Variants in STIM1 observed in about 807,000 individuals in gnomAD.
The protein encoded by STIM1 is stromal interaction molecule 1.
In STIM1, 25 loss-of-function variants were observed where a neutral mutation model predicts 74.7. The observed-to-expected ratio is 0.33, with a 90% CI of 0.24 to 0.47. STIM1 has a LOEUF of 0.47. Among genes scored for constraint, STIM1 ranks in the 20% least tolerant of loss-of-function variants. The probability of loss-of-function intolerance (pLI) is 1.00; values close to 1 mark genes in which losing one functional copy is unlikely to be tolerated. For missense variants in STIM1, 728 were observed against 920.8 expected, an observed-to-expected ratio of 0.79 and a Z score of 2.71; for synonymous variants, 328 against 348.8, an observed-to-expected ratio of 0.94 and a Z score of 0.66.
At chr11:3,995,877 T>C (rs1020649958) in intron 2 of STIM1, among the ~76,000 whole-genome samples, 5 of 151,648 alleles carry the variant, frequency 3.3e-5, no homozygotes, top group Admixed American at 2.0e-4. Flanking sequence ...TGGCTAATTT[T>C]TAAATTTTTT....
chr11:4,066,591 T>C (rs1253537007), intron 5 of STIM1, among the ~76,000 whole-genome samples: 5 of 152,114 alleles, frequency 3.3e-5, no homozygotes, highest in Non-Finnish European at 4.4e-5. Flanking sequence ...CTCTCTCCTG[T>C]AATTCCACTT....
At chr11:3,872,378 A>C (rs544965801) in intron 1 of STIM1, among the ~76,000 whole-genome samples, 185 of 152,248 alleles carry the variant, frequency 1.2e-3, no homozygotes, top group African/African-American at 4.4e-3. Flanking sequence ...TAATGACAAC[A>C]GGAAAAGTGT....
At chr11:3,938,090 C>T (rs1482116209) in intron 1 of STIM1, among the ~76,000 whole-genome samples, 1 of 152,044 alleles carries the variant, frequency 6.6e-6, no homozygotes, top group Non-Finnish European at 1.5e-5. Context: ...CCCACCACCA[C>T]ACCCAGCTAA....
intron 1 of STIM1, among the ~76,000 whole-genome samples, chr11:3,909,998 C>T (rs1278467034): frequency 6.6e-6 from 1 of 151,760 alleles, no homozygotes; most frequent in East Asian, 1.9e-4. Flanking sequence ...TATGAGGTGA[C>T]AAAATCATTC....
In STIM1 at chr11:4,074,637, T is replaced by A; in HGVS notation, c.927T>A (p.Asn309Lys). The change falls in exon 7 of 13, where the codon AAT (asparagine) becomes AAA (lysine). Residue 309 changes from asparagine to lysine, a missense_variant. Around this residue, in one of 5 missense-constraint regions of STIM1, gnomAD observed 131 missense variants for 235.9 expected, o/e 0.56. Coordinates refer to ENST00000526596, the MANE Select transcript of STIM1 (RefSeq NM_001382567.1). ...RLKELREGTENERSRQKYAEE... is the reference protein window; with the variant it reads ...RLKELREGTEKERSRQKYAEE... Reference sequence around the variant, plus strand: ...AGGAGCTGCGGGAGGGTACTGAGAATGAGCGGAGCCGCCAAAAATATGCTG... The same window carrying A: ...AGGAGCTGCGGGAGGGTACTGAGAAAGAGCGGAGCCGCCAAAAATATGCTG... 1 of 1,592,210 alleles carries A rather than the reference T, an allele frequency of 6.3e-7. No individual in the cohort carries two copies. Among genetic ancestry groups the A allele is most frequent in the Non-Finnish European group, 8.6e-7 (1 of 1,168,760 alleles).
At chr11:4,004,316 C>T (rs1210721089) in intron 2 of STIM1, among the ~76,000 whole-genome samples, 12 of 151,950 alleles carry the variant, frequency 7.9e-5, no homozygotes, top group Non-Finnish European at 1.5e-4. Context: ...GGAGGCATCA[C>T]GCTACCTGAC....
chr11:3,877,503 C>G (rs117473136), intron 1 of STIM1, among the ~76,000 whole-genome samples: 1,718 of 152,254 alleles, frequency 0.011, 13 homozygotes, highest in Non-Finnish European at 0.019. Context: ...TCCCCTATCC[C>G]CACCCTGCCA....
chr11:3,864,702 G>A (rs768021566), intron 1 of STIM1, among the ~76,000 whole-genome samples: 3 of 152,156 alleles, frequency 2.0e-5, no homozygotes, highest in Non-Finnish European at 4.4e-5. Flanking sequence ...TTACATAAGG[G>A]CATGAACACT....
At chr11:4,076,269 TGAG>T (rs1445025442) in intron 7 of STIM1, among the ~76,000 whole-genome samples, 3 of 151,896 alleles carry the variant, frequency 2.0e-5, no homozygotes, top group African/African-American at 7.3e-5. Context: ...GCAGATTACT[TGAG>T]GTCAGAAGTT....
intron 3 of STIM1, among the ~76,000 whole-genome samples, chr11:4,053,497 C>T (rs61897237): frequency 0.037 from 5,656 of 151,664 alleles, 246 homozygotes; most frequent in East Asian, 0.18. Flanking sequence ...AACCAAACAC[C>T]GCATGTTCTC....
intron 2 of STIM1, among the ~76,000 whole-genome samples, chr11:4,006,058 T>C: frequency 6.6e-6 from 1 of 152,130 alleles, no homozygotes; most frequent in East Asian, 1.9e-4. Flanking sequence ...CCAAATCTCG[T>C]GTTGAATTGT....
At chr11:4,035,632 A>AT (rs1222565524) in intron 3 of STIM1, among the ~76,000 whole-genome samples, 4 of 151,456 alleles carry the variant, frequency 2.6e-5, no homozygotes, top group Non-Finnish European at 5.9e-5. Context: ...ACATTTGGAG[A>AT]TTTTTTTTAG....
intron 1 of STIM1, among the ~76,000 whole-genome samples, chr11:3,919,318 G>A (rs1417377049): frequency 6.6e-6 from 1 of 152,146 alleles, no homozygotes; most frequent in Admixed American, 6.5e-5. Context: ...TGATTCTCCT[G>A]CCTCAGCCTC....
At chr11:3,879,370 C>T (rs1438252105) in intron 1 of STIM1, among the ~76,000 whole-genome samples, 1 of 152,206 alleles carries the variant, frequency 6.6e-6, no homozygotes, top group Non-Finnish European at 1.5e-5. Flanking sequence ...AGGGACTTCC[C>T]TTTCTAGATT....
At chr11:3,955,436 A>C (rs963123736) in intron 1 of STIM1, among the ~76,000 whole-genome samples, 1 of 152,202 alleles carries the variant, frequency 6.6e-6, no homozygotes, top group African/African-American at 2.4e-5. Context: ...AAACTCGTCT[A>C]TGATGATACA....
intron 1 of STIM1, among the ~76,000 whole-genome samples, chr11:3,900,222 G>A (rs1380434786): frequency 1.3e-5 from 2 of 152,130 alleles, no homozygotes; most frequent in Non-Finnish European, 2.9e-5. Flanking sequence ...CTCCCTGGGC[G>A]TATGACCCTC....
intron 1 of STIM1, among the ~76,000 whole-genome samples, chr11:3,914,506 G>A (rs143226312): frequency 6.6e-6 from 1 of 152,244 alleles, no homozygotes; most frequent in African/African-American, 2.4e-5. Context: ...CAGTGGCGCA[G>A]TCTCAGCTCA....
intron 5 of STIM1, among the ~76,000 whole-genome samples, chr11:4,061,541 G>A (rs948661747): frequency 5.9e-5 from 9 of 152,194 alleles, no homozygotes; most frequent in African/African-American, 2.2e-4. Context: ...GTATATTGCT[G>A]GTGAGAAGGT....
At chr11:4,089,125 A>G (rs1200775492) in intron 12 of STIM1, 1 of 248,268 alleles carries the variant, frequency 4.0e-6, no homozygotes, top group Non-Finnish European at 8.2e-6. Context: ...GGTCCCAGCT[A>G]CATAGGAGGA....
Sources: allele counts gnomAD v4.1 joint callset (sites outside exome capture counted in the v4.1 genomes callset), GRCh38; gene constraint gnomAD v4.1.1; regional missense constraint gnomAD v4.1.1; transcripts MANE v1.5; gene names NCBI Gene and HGNC (gene_info 2026-07-23, HGNC 2026-07-21).